Variants in SENP5 observed in about 807,000 individuals in gnomAD.
SENP5 encodes sentrin-specific protease 5.
SENP5 carries 21 observed loss-of-function variants against 74.2 expected under a neutral mutation model. The ratio of observed to expected loss-of-function variants is 0.28; its 90% CI spans 0.20 to 0.41. The LOEUF (loss-of-function observed/expected upper bound fraction) is 0.41, where lower values mean the gene tolerates loss of function less well. Among genes scored for constraint, SENP5 ranks in the 10% least tolerant of loss-of-function variants. The pLI is 1.00. For missense variants in SENP5, 717 were observed against 889.1 expected (o/e 0.81, Z 2.46); for synonymous variants, 311 against 312.7 (o/e 0.99, Z 0.06).
chr3:196,880,944 T>C (rs1480673955), intron 1 of SENP5, among the ~76,000 whole-genome samples: 2 of 144,930 alleles, frequency 1.4e-5, no homozygotes, highest in East Asian at 3.9e-4. Flanking sequence ...CCTGGCCCTT[T>C]TCCTTTTTTA....
intron 6 of SENP5, among the ~76,000 whole-genome samples, chr3:196,910,836 C>T (rs1715094429): frequency 1.3e-5 from 2 of 152,270 alleles, no homozygotes; most frequent in South Asian, 2.1e-4. Context: ...TACAAGGCTA[C>T]AGTAGCCAAA....
At chr3:196,894,730 A>G (rs1234392536) in intron 2 of SENP5, among the ~76,000 whole-genome samples, 2 of 152,136 alleles carry the variant, frequency 1.3e-5, no homozygotes, top group African/African-American at 2.4e-5. Context: ...ATCATTTGAC[A>G]GGACCTGGCG....
chr3:196,925,708 A>G (rs1715786452), intron 7 of SENP5, among the ~76,000 whole-genome samples: 1 of 152,242 alleles, frequency 6.6e-6, no homozygotes, highest in Non-Finnish European at 1.5e-5. Context: ...GTTGGGTTTA[A>G]GTCGATTTTG....
At position 196,885,536 on chromosome 3, in the gene SENP5, C is replaced by T; in HGVS notation, c.355C>T (p.Leu119=). ...TCTCCTGAGACTCCAAGCAGAGAAG[C>T]TGTTGTCATCAGCAAAGAATTCTGA... ...KTLLRLQAEK[L]LSSAKNSDHE... is the part of the protein sequence containing the mutation. The change falls in exon 2 of 10, where the codon CTG becomes TTG. Residue 119 remains leucine (L), a synonymous_variant. Coordinates refer to ENST00000323460, the MANE Select transcript of SENP5 (RefSeq NM_152699.5). The T allele has an allele frequency of 6.2e-7, 1 of 1,614,164 alleles. No homozygotes were observed. Among genetic ancestry groups the T allele is most frequent in the Non-Finnish European group, 8.5e-7 (1 of 1,180,044 alleles).
rs927968907 is a variant in SENP5, at chr3:196,869,674, A to C, written c.-32+1601A>C. On this transcript the variant is annotated intron_variant, in intron 1 of 9. Coordinates refer to ENST00000323460, the MANE Select transcript of SENP5 (RefSeq NM_152699.5). ...ACTCGGAAGGCTGAGGCAGGAGACT[A>C]GCTTGAACCCGGGAGGCGAGGTTGT... Among the ~76,000 whole-genome samples the C allele has an allele frequency of 2.1e-5, 3 of 142,336 alleles. 1 individual carries two copies. The Admixed American group carries it at 2.3e-4, about 11-fold the overall frequency. The allele number at this position is 142,336 out of a possible 152,430, so 93.4% of individuals were successfully genotyped here.
chr3:196,914,586 A>AAATATAT, intron 6 of SENP5: 9 of 33,500 alleles, frequency 2.7e-4, no homozygotes, highest in African/African-American at 1.1e-3. Flanking sequence ...AAAAAAAAAA[A>AAATATAT]ATATATATAT....
chr3:196,899,883 A>C, intron 3 of SENP5, 41 bp from the exon 4 acceptor site: 1 of 1,605,030 alleles, frequency 6.2e-7, no homozygotes, highest in South Asian at 1.1e-5. Flanking sequence ...AGAAGTACTC[A>C]TGTTTTTTTT....
chr3:196,904,609 G>A (rs896196233), intron 6 of SENP5, among the ~76,000 whole-genome samples: 22 of 151,904 alleles, frequency 1.4e-4, no homozygotes, highest in African/African-American at 4.6e-4. Context: ...CCAATGTGGC[G>A]AAACCCTATC....
rs970448836 is a variant in SENP5 at position 196,899,065 on chromosome 3, C to T, written c.1514-601C>T. 5.9e-5 allele frequency among the ~76,000 whole-genome samples: 8 copies of T among 135,756 alleles called. No individual in the cohort carries two copies. In the East Asian group the frequency reaches 1.0e-3, roughly 17 times the overall value. The allele number at this position is 135,756 out of a possible 152,430, so 89.1% of individuals were successfully genotyped here. A position where few individuals can be genotyped will look rare whatever the true frequency, so the allele number is the denominator to read the frequency against. ...CTGCACTCCAGCCTGGGCAACAGAG[C>T]GAGACGCCATCTCAAAAAAAAAAAA... On this transcript the variant is annotated intron_variant, in intron 2 of 9. Coordinates refer to ENST00000323460, the MANE Select transcript of SENP5 (RefSeq NM_152699.5).
At chr3:196,898,995 C>T (rs1714582605) in intron 2 of SENP5, among the ~76,000 whole-genome samples, 1 of 150,852 alleles carries the variant, frequency 6.6e-6, no homozygotes, top group African/African-American at 2.4e-5. Flanking sequence ...AGGAGAATGG[C>T]GTGAACCCGG....
intron 1 of SENP5, among the ~76,000 whole-genome samples, chr3:196,882,268 T>C (rs1713759909): frequency 6.6e-6 from 1 of 152,080 alleles, no homozygotes; most frequent in South Asian, 2.1e-4. Context: ...TTTTTAGGTG[T>C]ACAGTTCATT....
At chr3:196,911,650 CT>C (rs1715137772) in intron 6 of SENP5, among the ~76,000 whole-genome samples, 1 of 148,194 alleles carries the variant, frequency 6.7e-6, no homozygotes, top group South Asian at 2.1e-4. Flanking sequence ...AATCCCAGCA[CT>C]TTGGGAAGCT....
chr3:196,885,761 G>C lies in SENP5; in HGVS notation c.580G>C (p.Gly194Arg). Residue 194 changes from glycine (G) to arginine (R), a missense_variant, in exon 2 of 10, where the codon GGC (glycine) becomes CGC (arginine). Gly to Arg is a moderately radical substitution (Grantham distance 125). Around this residue, in one of 4 missense-constraint regions of SENP5, gnomAD observed 567 missense variants for 577.4 expected, o/e 0.98. Coordinates refer to ENST00000323460, the MANE Select transcript of SENP5 (RefSeq NM_152699.5). Reference sequence around the variant, plus strand: ...CACCTTGAACAACCATAAGAGAAAGGGCTTTTGTTACGGCTGCTGCCAAGG... The same window carrying C: ...CACCTTGAACAACCATAAGAGAAAGCGCTTTTGTTACGGCTGCTGCCAAGG... Reference protein sequence around the residue: ...VVTLNNHKRKGFCYGCCQGPE... With the variant: ...VVTLNNHKRKRFCYGCCQGPE... 1 of 1,614,200 alleles carries C rather than the reference G, an allele frequency of 6.2e-7. No individual in the cohort carries two copies.
In SENP5 at chr3:196,885,324, T is replaced by A. The variant is rs776953788; in HGVS notation, c.143T>A (p.Val48Asp). The A allele has an allele frequency of 6.2e-6, 10 of 1,614,194 alleles. No individual in the cohort carries two copies. The South Asian group carries it at 1.1e-4, about 18-fold the overall frequency. ...CILKAKLGRP[V>D]TWNRQLRHFQ... The stretch of plus-strand genomic sequence containing the variant: ...CTGAAAGCTAAGCTGGGAAGGCCAG[T>A]TACTTGGAATAGACAGTTGAGACAT... Residue 48 changes from valine to aspartate, a missense_variant, in exon 2 of 10, where the codon GTT (valine) becomes GAT (aspartate). Val to Asp is a radical substitution (Grantham distance 152, BLOSUM62 -3). Around this residue, in one of 4 missense-constraint regions of SENP5, gnomAD observed 567 missense variants for 577.4 expected, o/e 0.98. Transcript: ENST00000323460.
chr3:196,885,116 T>G, intron 1 of SENP5, 35 bp from the exon 2 acceptor site: 1 of 1,291,880 alleles, frequency 7.7e-7, no homozygotes, highest in Non-Finnish European at 1.1e-6. Context: ...ACCTTATTTT[T>G]AGATAGAAAT....
Position 196,899,977 on chromosome 3 carries a change from G to A in SENP5, c.1673G>A (p.Cys558Tyr), listed in dbSNP as rs1420385873. The A allele has an allele frequency of 6.2e-7, 1 of 1,614,094 alleles. No homozygotes were observed. Among genetic ancestry groups the A allele is most frequent in the Admixed American group, 1.7e-5 (1 of 60,010 alleles). The part of the protein sequence containing the change: ...ITNYRARHQK[C>Y]NFRIFYNKHM... ...AACTATCGGGCCAGACATCAAAAAT[G>A]TAACTTCCGTATCTTCTATAATAAA... Residue 558 changes from cysteine (C) to tyrosine (Y), a missense_variant, in exon 4 of 10, where the codon TGT (cysteine) becomes TAT (tyrosine). Cys to Tyr is a radical substitution (Grantham distance 194). Coordinates refer to ENST00000323460, the MANE Select transcript of SENP5 (RefSeq NM_152699.5).
intron 8 of SENP5, among the ~76,000 whole-genome samples, chr3:196,928,091 T>G (rs1715884183): frequency 1.3e-5 from 2 of 152,200 alleles, no homozygotes; most frequent in South Asian, 4.1e-4. Context: ...CTTCAGTCAT[T>G]TCCTCCCTGA....
intron 7 of SENP5, among the ~76,000 whole-genome samples, chr3:196,926,936 G>T (rs530872493): frequency 6.6e-6 from 1 of 152,084 alleles, no homozygotes; most frequent in African/African-American, 2.4e-5. Context: ...GAGCCACCGC[G>T]TCTGGCCCTG....
chr3:196,918,422 T>C (rs1480700179), intron 6 of SENP5, among the ~76,000 whole-genome samples: 2 of 150,784 alleles, frequency 1.3e-5, no homozygotes, highest in Non-Finnish European at 3.0e-5. Context: ...TAACGAGTTA[T>C]CAGTTTGAAA....
Sources: allele counts gnomAD v4.1 joint callset (sites outside exome capture counted in the v4.1 genomes callset), GRCh38; gene constraint gnomAD v4.1.1; regional missense constraint gnomAD v4.1.1; transcripts MANE v1.5; gene names NCBI Gene and HGNC (gene_info 2026-07-23, HGNC 2026-07-21).